MTSS1: variants seen among roughly 807,000 people sequenced by gnomAD.
The protein encoded by MTSS1 is MTSS I-BAR domain containing 1.
MTSS1 carries 18 observed loss-of-function variants against 79.0 expected under a neutral mutation model. That is an observed-to-expected ratio of 0.23 (90% CI 0.16 to 0.34). MTSS1 has a LOEUF of 0.34. Ranked by LOEUF, MTSS1 falls within the 10% of genes least tolerant of loss-of-function variation. MTSS1 has a pLI of 1.00. For synonymous variants in MTSS1, 341 were observed against 368.6 expected, an observed-to-expected ratio of 0.93 and a Z score of 0.86; for missense variants, 815 against 986.2, an observed-to-expected ratio of 0.83 and a Z score of 2.33.
At chr8:124,638,454 T>C (rs751269082) in intron 3 of MTSS1, among the ~76,000 whole-genome samples, 1 of 152,134 alleles carries the variant, frequency 6.6e-6, no homozygotes, top group Non-Finnish European at 1.5e-5. Context: ...AAGCTGGGAA[T>C]GAGAAAAGTC....
At chr8:124,645,032 CA>C (rs1441955864) in intron 3 of MTSS1, among the ~76,000 whole-genome samples, 3 of 152,124 alleles carry the variant, frequency 2.0e-5, no homozygotes, top group Non-Finnish European at 4.4e-5. Context: ...CATTTCTGTT[CA>C]AACACCTGAA....
rs768665515 is a variant in MTSS1, at chr8:124,557,858, A to G, written c.1053T>C (p.Ser351=). The change falls in exon 11 of 14, where the codon TCT becomes TCC. Residue 351 remains serine, a synonymous_variant. Transcript: ENST00000518547. Reference sequence around the variant, plus strand: ...GGGACTCACTTGATAAACTATAGTGAGAAAACCCGTTAGACAACTGGAAAC... The same window carrying G: ...GGGACTCACTTGATAAACTATAGTGGGAAAACCCGTTAGACAACTGGAAAC... ...EAPNQLSNGF[S]HYSLSSESHV... 2.3e-5 allele frequency: 37 copies of G among 1,592,892 alleles called. No homozygotes were observed. Among genetic ancestry groups the G allele is most frequent in the Non-Finnish European group, 2.9e-5 (34 of 1,169,340 alleles).
chr8:124,563,775 G>A (rs1825808787), intron 9 of MTSS1, among the ~76,000 whole-genome samples: 1 of 152,186 alleles, frequency 6.6e-6, no homozygotes, highest in Non-Finnish European at 1.5e-5. Context: ...ACAGTAAACA[G>A]GATGTCAAAT....
chr8:124,636,812 C>T (rs1253548401), intron 3 of MTSS1, among the ~76,000 whole-genome samples: 1 of 152,188 alleles, frequency 6.6e-6, no homozygotes, highest in Non-Finnish European at 1.5e-5. Context: ...TTGGCCCCAT[C>T]GGGACCTTGC....
intron 3 of MTSS1, among the ~76,000 whole-genome samples, chr8:124,678,891 C>G (rs1213203133): frequency 6.6e-6 from 1 of 152,254 alleles, no homozygotes; most frequent in Admixed American, 6.5e-5. Context: ...CAGAAACACA[C>G]AGGCATGCCT....
intron 3 of MTSS1, among the ~76,000 whole-genome samples, chr8:124,603,631 G>C (rs1488718233): frequency 1.3e-5 from 2 of 152,170 alleles, no homozygotes; most frequent in African/African-American, 4.8e-5. Context: ...CCCTACATTT[G>C]TTTAACTACA....
intron 3 of MTSS1, among the ~76,000 whole-genome samples, chr8:124,696,034 C>T (rs1217715499): frequency 1.3e-5 from 2 of 152,028 alleles, no homozygotes; most frequent in African/African-American, 4.8e-5. Flanking sequence ...GTCACCCAGG[C>T]TGGAGTGCAG....
intron 3 of MTSS1, among the ~76,000 whole-genome samples, chr8:124,600,800 C>T (rs895544391): frequency 6.6e-6 from 1 of 152,196 alleles, no homozygotes; most frequent in Admixed American, 6.5e-5. Context: ...TTCCTTCTTC[C>T]CAAACATCTC....
At chr8:124,622,310 G>C (rs974303999) in intron 3 of MTSS1, among the ~76,000 whole-genome samples, 1 of 151,932 alleles carries the variant, frequency 6.6e-6, no homozygotes, top group Non-Finnish European at 1.5e-5. Context: ...CCAAGGAGCA[G>C]GGGTGGGGGA....
rs1040139544 is a variant in MTSS1 at position 124,556,219 on chromosome 8, ACAAGAG to A, written c.1404+7_1404+12del. 1.2e-6 allele frequency: 2 copies of A among 1,614,068 alleles called. No homozygotes were observed. Among genetic ancestry groups the A allele is most frequent in the African/African-American group, 1.3e-5 (1 of 74,940 alleles). On this transcript the variant is annotated splice_region_variant and intron_variant, in intron 12 of 13. Transcript: ENST00000518547. ...AGGTGGCCCCAACCAGCTACTGAGAACAAGAGCATCACCCTGGTGGCAGCCGATACA... is the reference window on the plus strand; with the variant it reads ...AGGTGGCCCCAACCAGCTACTGAGAACATCACCCTGGTGGCAGCCGATACA...
intron 3 of MTSS1, among the ~76,000 whole-genome samples, chr8:124,640,247 CG>C (rs1175889890): frequency 3.3e-5 from 5 of 152,230 alleles, no homozygotes; most frequent in Non-Finnish European, 7.3e-5. Context: ...TCTGGTTCTA[CG>C]GAAGAGCTGC....
chr8:124,606,443 C>T (rs970149921), intron 3 of MTSS1, among the ~76,000 whole-genome samples: 2 of 152,076 alleles, frequency 1.3e-5, no homozygotes, highest in African/African-American at 4.8e-5. Context: ...GCCCCTGCAC[C>T]CCGCCAAAAG....
At chr8:124,631,572 C>T (rs942267966) in intron 3 of MTSS1, among the ~76,000 whole-genome samples, 1 of 152,212 alleles carries the variant, frequency 6.6e-6, no homozygotes, top group Admixed American at 6.5e-5. Context: ...CACCCTGCCC[C>T]TCATCTCATC....
At chr8:124,574,571 G>C (rs368902418) in intron 6 of MTSS1, among the ~76,000 whole-genome samples, 2 of 152,278 alleles carry the variant, frequency 1.3e-5, no homozygotes, top group African/African-American at 4.8e-5. Flanking sequence ...GCTGCCAGGA[G>C]CTAAACAGCC....
intron 3 of MTSS1, among the ~76,000 whole-genome samples, chr8:124,625,016 G>C (rs889747509): frequency 6.6e-6 from 1 of 152,190 alleles, no homozygotes; most frequent in African/African-American, 2.4e-5. Context: ...ATCTGTCAGG[G>C]CCTGGGTGTG....
chr8:124,697,823 A>C (rs995089995), intron 3 of MTSS1, among the ~76,000 whole-genome samples: 3 of 152,214 alleles, frequency 2.0e-5, no homozygotes, highest in Admixed American at 6.5e-5. Context: ...GTTAAGATCC[A>C]CACCAAGCTG....
intron 3 of MTSS1, among the ~76,000 whole-genome samples, chr8:124,647,355 A>G (rs1819182713): frequency 6.6e-6 from 1 of 152,204 alleles, no homozygotes. Flanking sequence ...TTAAGGGTAT[A>G]GCTGAGAAAT....
chr8:124,639,534 T>A (rs1190096718), intron 3 of MTSS1, among the ~76,000 whole-genome samples: 1 of 152,126 alleles, frequency 6.6e-6, no homozygotes, highest in African/African-American at 2.4e-5. Flanking sequence ...TGGAGTGCAG[T>A]AGCACTATCT....
chr8:124,564,651 GA>G (rs1825976700), intron 9 of MTSS1: 1 of 145,828 alleles, frequency 6.9e-6, no homozygotes, highest in Non-Finnish European at 1.5e-5. Context: ...ACACTAATGA[GA>G]GATTTTTCTT....
Sources: allele counts gnomAD v4.1 joint callset (sites outside exome capture counted in the v4.1 genomes callset), GRCh38; gene constraint gnomAD v4.1.1; transcripts MANE v1.5; gene names NCBI Gene and HGNC (gene_info 2026-07-23, HGNC 2026-07-21).